PRKN: variants seen among roughly 807,000 people sequenced by gnomAD.
PRKN encodes the protein E3 ubiquitin-protein ligase parkin.
A neutral mutation model predicts 59.5 loss-of-function variants in PRKN; 56 were observed. The ratio of observed to expected loss-of-function variants is 0.94; its 90% confidence interval spans 0.76 to 1.18. The LOEUF is 1.18. Among genes scored for constraint, PRKN ranks in the 50% most tolerant of loss-of-function variants. PRKN has a pLI of 0.00. For missense variants in PRKN, 657 were observed against 596.4 expected (o/e 1.10, Z -1.06); for synonymous variants, 250 against 222.1 (o/e 1.13, Z -1.12).
intron 1 of PRKN, among the ~76,000 whole-genome samples, chr6:162,613,506 A>C (rs1209635824): frequency 3.3e-5 from 5 of 152,330 alleles, no homozygotes; most frequent in East Asian, 3.9e-4. Flanking sequence ...CCACAGGTGC[A>C]GTTGTTTAAC....
Position 161,488,951 on chromosome 6 carries a change from T to C in PRKN, c.1083+59903A>G, listed in dbSNP as rs1777442875. ...CCCTTGGAGATGAAGAGGTCACGAT[T>C]TACCATTGGCTGATAACCTACTGTG... On this transcript the variant is annotated intron_variant, in intron 9 of 11. Coordinates refer to ENST00000366898, the MANE Select transcript of PRKN (RefSeq NM_004562.3). This position sits in a 1 kb window ranked among gnomAD's most constrained non-coding sequence, Gnocchi z 4.5. Among the ~76,000 whole-genome samples the C allele has an allele frequency of 6.6e-6, 1 of 152,174 alleles. No homozygotes were observed. Among genetic ancestry groups the C allele is most frequent in the South Asian group, 2.1e-4 (1 of 4,826 alleles).
intron 7 of PRKN, among the ~76,000 whole-genome samples, chr6:161,682,474 G>A (rs1785401822): frequency 6.6e-6 from 1 of 152,146 alleles, no homozygotes; most frequent in African/African-American, 2.4e-5. Flanking sequence ...TGCATTGTGA[G>A]GACTGAGGAA....
intron 1 of PRKN, among the ~76,000 whole-genome samples, chr6:162,605,920 T>C (rs1349942655): frequency 1.3e-5 from 2 of 152,192 alleles, no homozygotes; most frequent in Non-Finnish European, 2.9e-5. Context: ...ATGTATTTTC[T>C]CATAAAATTT....
At chr6:162,089,090 C>T (rs1401761633) in intron 4 of PRKN, among the ~76,000 whole-genome samples, 1 of 152,130 alleles carries the variant, frequency 6.6e-6, no homozygotes, top group Non-Finnish European at 1.5e-5. Context: ...CAAAGAACAT[C>T]ATCACTACAG....
chr6:162,606,144 T>C (rs913696681), intron 1 of PRKN, among the ~76,000 whole-genome samples: 1 of 152,212 alleles, frequency 6.6e-6, no homozygotes, highest in African/African-American at 2.4e-5. Context: ...ATTCGTAGAT[T>C]AACCACTCTA....
chr6:162,419,726 A>G (rs545652355), intron 2 of PRKN, among the ~76,000 whole-genome samples: 1 of 152,168 alleles, frequency 6.6e-6, no homozygotes, highest in South Asian at 2.1e-4. Context: ...AACATCCATG[A>G]CCTATAATGA....
Position 161,552,584 on chromosome 6 carries a change from CAAAAACA to C in PRKN, c.934-3588_934-3582del, listed in dbSNP as rs937593156. ...CAAATCCTTCCACATTGAAAAAAAA[CAAAAACA>C]AAAAACAAAAAACAAAAAACTTTTT... On this transcript the variant is annotated intron_variant, in intron 8 of 11. Transcript: ENST00000366898. This position sits in a 1 kb window ranked among gnomAD's most constrained non-coding sequence, Gnocchi z 4.9. 1.5e-4 allele frequency among the ~76,000 whole-genome samples: 21 copies of C among 142,576 alleles called. 1 individual carries two copies. Among genetic ancestry groups the C allele is most frequent in the South Asian group, 2.2e-4 (1 of 4,514 alleles). 93.5% of individuals were successfully genotyped at this position (142,576 alleles called of 152,430 possible).
chr6:161,763,348 T>C (rs1196533152), intron 7 of PRKN, among the ~76,000 whole-genome samples: 2 of 151,820 alleles, frequency 1.3e-5, no homozygotes, highest in African/African-American at 2.4e-5. Flanking sequence ...AATGGTTCTG[T>C]TGCCCCCGAG....
At chr6:161,411,994 T>TCCTCCCTCATTCCTC (rs1787578306) in intron 9 of PRKN, among the ~76,000 whole-genome samples, 1 of 135,524 alleles carries the variant, frequency 7.4e-6, no homozygotes. Context: ...ATTCATTCCT[T>TCCTCCCTCATTCCTC]CCTCACTCAT....
chr6:162,299,384 G>C (rs1168045561), intron 2 of PRKN, among the ~76,000 whole-genome samples: 1 of 152,128 alleles, frequency 6.6e-6, no homozygotes, highest in African/African-American at 2.4e-5. Context: ...TAGGTGGAAG[G>C]TGGAATGGGC....
intron 3 of PRKN, among the ~76,000 whole-genome samples, chr6:162,209,749 C>T (rs1436373780): frequency 6.6e-6 from 1 of 152,132 alleles, no homozygotes; most frequent in Non-Finnish European, 1.5e-5. Flanking sequence ...AAATGTGGCA[C>T]ATATACACCG....
chr6:161,800,360 C>T (rs1187023145), intron 6 of PRKN, among the ~76,000 whole-genome samples: 1 of 152,196 alleles, frequency 6.6e-6, no homozygotes, highest in Non-Finnish European at 1.5e-5. Context: ...GCCCCAACAT[C>T]CATGGGTTCA....
At position 161,349,665 on chromosome 6, in the gene PRKN, A is replaced by C. The variant is rs942203127; in HGVS notation, c.*434T>G. The C allele has an allele frequency of 1.3e-5, 4 of 300,730 alleles. No homozygotes were observed. The highest frequency in any genetic ancestry group is 2.1e-5 in the African/African-American group (1 of 47,630). The allele number at this position is 300,730 out of a possible 1,614,324, so 18.6% of individuals were successfully genotyped here. On this transcript the variant is annotated 3_prime_UTR_variant, in exon 12 of 12. Coordinates refer to ENST00000366898, the MANE Select transcript of PRKN (RefSeq NM_004562.3). This position sits in a 1 kb window ranked among gnomAD's most constrained non-coding sequence, Gnocchi z 5.5. The stretch of plus-strand genomic sequence containing the variant: ...ATGGCATCTTCATGGTGTTTACTGA[A>C]GGTAAAAGGCAGGATATTAAATGTG...
At chr6:162,495,784 C>T (rs1312044424) in intron 1 of PRKN, among the ~76,000 whole-genome samples, 3 of 152,160 alleles carry the variant, frequency 2.0e-5, no homozygotes, top group Non-Finnish European at 4.4e-5. Flanking sequence ...CTTCCAGACA[C>T]ATCTCCACTG....
intron 7 of PRKN, among the ~76,000 whole-genome samples, chr6:161,587,643 A>T (rs189122672): frequency 0.01 from 1,544 of 151,684 alleles, 24 homozygotes; most frequent in African/African-American, 0.034. Flanking sequence ...TTTTTTTTTA[A>T]AAAAAAACTT....
intron 1 of PRKN, among the ~76,000 whole-genome samples, chr6:162,477,780 T>C (rs1386095942): frequency 2.0e-5 from 3 of 152,184 alleles, no homozygotes; most frequent in Admixed American, 2.0e-4. Context: ...GCATGTTCTC[T>C]GGGATAACCT....
At chr6:161,626,062 C>T (rs1246601744) in intron 7 of PRKN, among the ~76,000 whole-genome samples, 3 of 152,130 alleles carry the variant, frequency 2.0e-5, no homozygotes, top group South Asian at 2.1e-4. Context: ...GAAACTGGGC[C>T]GTAGACAGGC....
intron 3 of PRKN, among the ~76,000 whole-genome samples, chr6:162,211,448 C>T (rs926378601): frequency 1.3e-5 from 2 of 152,142 alleles, no homozygotes; most frequent in Admixed American, 1.3e-4. Flanking sequence ...CATGGAATGA[C>T]CTGAGAATCA....
At chr6:162,600,606 G>A (rs1158691556) in intron 1 of PRKN, among the ~76,000 whole-genome samples, 1 of 152,138 alleles carries the variant, frequency 6.6e-6, no homozygotes, top group Non-Finnish European at 1.5e-5. Flanking sequence ...ATGTTGAAAT[G>A]TAATCCCCAA....
Sources: allele counts gnomAD v4.1 joint callset (sites outside exome capture counted in the v4.1 genomes callset), GRCh38; gene constraint gnomAD v4.1.1; non-coding constraint Gnocchi (gnomAD v3.1); transcripts MANE v1.5; gene names NCBI Gene and HGNC (gene_info 2026-07-23, HGNC 2026-07-21).